The following ARL4C variants were observed in gnomAD, a reference collection of about 807,000 sequenced individuals.
ARL4C encodes ADP-ribosylation factor-like protein 4C.
ARL4C carries 5 observed loss-of-function variants against 12.8 expected under a neutral mutation model. The observed-to-expected ratio is 0.39, with a 90% CI of 0.20 to 0.82. The LOEUF is 0.82. Among genes scored for constraint, ARL4C ranks in the 40% least tolerant of loss-of-function variants. ARL4C has a pLI of 0.39. For synonymous variants in ARL4C, 119 were observed against 119.4 expected (o/e 1.00, Z 0.02); for missense variants, 148 against 265.2 (o/e 0.56, Z 3.07).
Position 234,496,600 on chromosome 2 carries a change from G to T in ARL4C, c.-14C>A. The T allele has an allele frequency of 6.8e-7, 1 of 1,474,454 alleles. No homozygotes were observed. Among genetic ancestry groups the T allele is most frequent in the South Asian group, 1.4e-5 (1 of 71,064 alleles). The allele number at this position is 1,474,454 out of a possible 1,614,324, so 91.3% of individuals were successfully genotyped here. On this transcript the variant is annotated 5_prime_UTR_variant, in exon 1 of 2. Transcript: ENST00000339728. ...GATGTTGCCCATGGCTCCTGGCTGC[G>T]GCGCCAGCCACTGCGGCTGCGGCGG...
Position 234,496,566 on chromosome 2 carries a change from G to A in ARL4C, c.21C>T (p.Asn7=), listed in dbSNP as rs1436958532. Residue 7 remains asparagine, a synonymous_variant, in exon 1 of 2, where the codon AAC becomes AAT. Coordinates refer to ENST00000339728, the MANE Select transcript of ARL4C (RefSeq NM_001282431.2). ...TATGCAGGGACTGGAAGGCCGAGAT[G>A]TTAGAGGAGATGTTGCCCATGGCTC... MGNISS[N]ISAFQSLHIV... 1.9e-6 allele frequency: 3 copies of A among 1,583,282 alleles called. No homozygotes were observed. The highest frequency in any genetic ancestry group is 2.7e-5 in the African/African-American group (2 of 73,560).
Position 234,495,667 on chromosome 2 carries a change from C to T in ARL4C, c.*139G>A. 1.8e-6 allele frequency: 2 copies of T among 1,098,648 alleles called. No homozygotes were observed. Among genetic ancestry groups the T allele is most frequent in the Non-Finnish European group, 2.7e-6 (2 of 738,406 alleles). The allele number at this position is 1,098,648 out of a possible 1,614,324, so 68.1% of individuals were successfully genotyped here. Reference sequence around the variant, plus strand: ...TCTTTCCGACAACTGAGCCTTCCACCTGGGGCTGGGAGGGCGGACAGCAGG... The same window carrying T: ...TCTTTCCGACAACTGAGCCTTCCACTTGGGGCTGGGAGGGCGGACAGCAGG... On this transcript the variant is annotated 3_prime_UTR_variant, in exon 2 of 2. Coordinates refer to ENST00000339728, the MANE Select transcript of ARL4C (RefSeq NM_001282431.2).
At position 234,496,611 on chromosome 2, in the gene ARL4C, C is replaced by A; in HGVS notation, c.-25G>T. On this transcript the variant is annotated 5_prime_UTR_variant, in exon 1 of 2. Transcript: ENST00000339728. ...TGGCTCCTGGCTGCGGCGCCAGCCA[C>A]TGCGGCTGCGGCGGGAGGGCGCCGC... The A allele has an allele frequency of 6.9e-7, 1 of 1,446,652 alleles. No homozygotes were observed. The highest frequency in any genetic ancestry group is 9.1e-7 in the Non-Finnish European group (1 of 1,098,266). The allele number at this position is 1,446,652 out of a possible 1,614,324, so 89.6% of individuals were successfully genotyped here.
rs1419271987 is a variant in ARL4C, at chr2:234,494,648, T to G, written c.*1158A>C. ...CATCAAATACTCTAACGAGACATTT[T>G]TAATGAAAGACTTAAACCAGATAGG... On this transcript the variant is annotated 3_prime_UTR_variant, in exon 2 of 2. Coordinates refer to ENST00000339728, the MANE Select transcript of ARL4C (RefSeq NM_001282431.2). 6.6e-6 allele frequency: 1 copy of G among 152,238 alleles called. No individual in the cohort carries two copies. Among genetic ancestry groups the G allele is most frequent in the Non-Finnish European group, 1.5e-5 (1 of 68,034 alleles). 9.4% of individuals were successfully genotyped at this position (152,238 alleles called of 1,614,324 possible).
In ARL4C at chr2:234,496,902, C is replaced by CG. The variant is rs1171510894; in HGVS notation, c.-317dup. ...CTGTGGTTTCCTCGGGCCGCGCCCC[C>CG]GCGCTCCGGCAGCTGCCCGGGCTCT... On this transcript the variant is annotated 5_prime_UTR_variant, in exon 1 of 2. Coordinates refer to ENST00000339728, the MANE Select transcript of ARL4C (RefSeq NM_001282431.2). The CG allele has an allele frequency of 6.7e-6, 1 of 149,450 alleles. No individual in the cohort carries two copies. Among genetic ancestry groups the CG allele is most frequent in the African/African-American group, 2.4e-5 (1 of 41,202 alleles). 9.3% of individuals were successfully genotyped at this position (149,450 alleles called of 1,614,324 possible).
rs776803133 is a variant in ARL4C at position 234,493,632 on chromosome 2, T to C, written c.*2174A>G. 36 of 152,660 alleles carry C rather than the reference T, an allele frequency of 2.4e-4. No homozygotes were observed. Among genetic ancestry groups the C allele is most frequent in the Non-Finnish European group, 5.1e-4 (35 of 68,042 alleles). 9.5% of individuals were successfully genotyped at this position (152,660 alleles called of 1,614,324 possible). On this transcript the variant is annotated 3_prime_UTR_variant, in exon 2 of 2. Coordinates refer to ENST00000339728, the MANE Select transcript of ARL4C (RefSeq NM_001282431.2). The stretch of plus-strand genomic sequence containing the variant: ...GTGATCTTGAACCTAAGTATTGTTA[T>C]CATGAGAAGGTTACAGTATTTGGCA...
In ARL4C at chr2:234,495,754, A is replaced by T. The variant is rs148591697; in HGVS notation, c.*52T>A. 26 of 1,596,582 alleles carry T rather than the reference A, an allele frequency of 1.6e-5. No homozygotes were observed. The highest frequency in any genetic ancestry group is 1.7e-4 in the Middle Eastern group (1 of 6,038). Reference sequence around the variant, plus strand: ...TGGTCAGTAGCTCTGGCGTTCAGACAAAAGGTCCCCTGAGCTGGGGGTGGG... The same window carrying T: ...TGGTCAGTAGCTCTGGCGTTCAGACTAAAGGTCCCCTGAGCTGGGGGTGGG... On this transcript the variant is annotated 3_prime_UTR_variant, in exon 2 of 2. Coordinates refer to ENST00000339728, the MANE Select transcript of ARL4C (RefSeq NM_001282431.2).
rs1691783547 is a variant in ARL4C at position 234,496,357 on chromosome 2, G to A, written c.230C>T (p.Pro77Leu). ...WDVGGQEKLR[P>L]LWKSYSRCTD... ...GCAGCGGCTGTAGGACTTCCACAGC[G>A]GCCGCAGCTTCTCCTGGCCGCCCAC... is the stretch of plus-strand genomic sequence containing the variant. The change falls in exon 1 of 2, where the codon CCG (proline) becomes CTG (leucine). Residue 77 changes from proline (P) to leucine (L), a missense_variant. Pro to Leu is a moderately conservative substitution (Grantham distance 98). Coordinates refer to ENST00000339728, the MANE Select transcript of ARL4C (RefSeq NM_001282431.2). 1.2e-6 allele frequency: 2 copies of A among 1,613,148 alleles called. No homozygotes were observed. The highest frequency in any genetic ancestry group is 8.5e-7 in the Non-Finnish European group (1 of 1,179,810).
In ARL4C at chr2:234,495,831, C is replaced by T. The variant is rs1406982310; in HGVS notation, c.581G>A (p.Gly194Asp). ...TCAGACTTCGCAGCTCCTTAAGTCA[C>T]CAGTCCTGCATTTGGGTGCAGAGAT... ...KSLKQKKKRT[G>D]DLRSCEV Residue 194 changes from glycine (G) to aspartate (D), a missense_variant, in exon 2 of 2, where the codon GGT (glycine) becomes GAT (aspartate). Physicochemically the swap from Gly to Asp is moderately conservative, Grantham distance 94. Coordinates refer to ENST00000339728, the MANE Select transcript of ARL4C (RefSeq NM_001282431.2). 6.3e-7 allele frequency: 1 copy of T among 1,598,656 alleles called. No individual in the cohort carries two copies. Among genetic ancestry groups the T allele is most frequent in the Admixed American group, 1.7e-5 (1 of 60,026 alleles).
At position 234,495,151 on chromosome 2, in the gene ARL4C, T is replaced by A. The variant is rs907976258; in HGVS notation, c.*655A>T. 1.2e-4 allele frequency: 18 copies of A among 148,122 alleles called. 1 individual carries two copies. The East Asian group carries it at 1.8e-3, about 15-fold the overall frequency. 9.2% of individuals were successfully genotyped at this position (148,122 alleles called of 1,614,324 possible). On this transcript the variant is annotated 3_prime_UTR_variant, in exon 2 of 2. Coordinates refer to ENST00000339728, the MANE Select transcript of ARL4C (RefSeq NM_001282431.2). Reference sequence around the variant, plus strand: ...TCCAATAGTTCGTCTTTTTTTTTTTTTATTTTTTTTATTTTTATTGGTCTC... The same window carrying A: ...TCCAATAGTTCGTCTTTTTTTTTTTATATTTTTTTTATTTTTATTGGTCTC...
rs1376257536 is a variant in ARL4C, at chr2:234,497,056, C to A, written c.-470G>T. On this transcript the variant is annotated 5_prime_UTR_variant, in exon 1 of 2. Transcript: ENST00000339728. ...GTCCGCTCGGCAGCCTCACAGTCCC[C>A]GCGCCGCCGCAGCAGCCGCCAGCCT... The A allele has an allele frequency of 6.7e-6, 1 of 149,976 alleles. No individual in the cohort carries two copies. Among genetic ancestry groups the A allele is most frequent in the Non-Finnish European group, 1.5e-5 (1 of 67,234 alleles). The allele number at this position is 149,976 out of a possible 1,614,324, so 9.3% of individuals were successfully genotyped here.
rs115792278 is a variant in ARL4C, at chr2:234,493,598, G to T, written c.*2208C>A. ...CGCATCAGTTTTAAAGCATGACAGG[G>T]TTTGAACAGTGATCTTGAACCTAAG... is the stretch of plus-strand genomic sequence containing the variant. On this transcript the variant is annotated 3_prime_UTR_variant, in exon 2 of 2. Transcript: ENST00000339728. 4.1e-3 allele frequency: 623 copies of T among 152,734 alleles called. 3 individuals are homozygous for T. Among genetic ancestry groups the T allele is most frequent in the Middle Eastern group, 6.8e-3 (2 of 294 alleles). The allele number at this position is 152,734 out of a possible 1,614,324, so 9.5% of individuals were successfully genotyped here.
rs752263509 is a variant in ARL4C at position 234,496,215 on chromosome 2, G to C, written c.372C>G (p.Val124=). 1 of 1,594,406 alleles carries C rather than the reference G, an allele frequency of 6.3e-7. No homozygotes were observed. The highest frequency in any genetic ancestry group is 2.2e-5 in the East Asian group (1 of 44,664). The change falls in exon 1 of 2, where the codon GTC becomes GTG. Residue 124 remains valine, a synonymous_variant. Coordinates refer to ENST00000339728, the MANE Select transcript of ARL4C (RefSeq NM_001282431.2). ...TGGGCAGGTCCTGCTTGTTGGCGAT[G>C]ACCAGCAGCGGCGTGCCCTGGTTCT... is the stretch of plus-strand genomic sequence containing the variant. ...FAENQGTPLL[V]IANKQDLPKS...
intron 1 of ARL4C, 85 bp from the exon 2 acceptor site, chr2:234,495,921 C>A: frequency 6.2e-7 from 1 of 1,604,542 alleles, no homozygotes; most frequent in South Asian, 1.1e-5. Flanking sequence ...GGTTCTCGCT[C>A]ATCCATCCAT....
Position 234,495,080 on chromosome 2 carries a change from A to C in ARL4C, c.*726T>G, listed in dbSNP as rs1574656610. 6.6e-6 allele frequency: 1 copy of C among 152,308 alleles called. No individual in the cohort carries two copies. The highest frequency in any genetic ancestry group is 1.5e-5 in the Non-Finnish European group (1 of 68,228). The allele number at this position is 152,308 out of a possible 1,614,324, so 9.4% of individuals were successfully genotyped here. The stretch of plus-strand genomic sequence containing the variant: ...ACACCAAAAGCCTTACCCTTTAAAC[A>C]CCTTTAACTATCCTGCAAACAGTAA... On this transcript the variant is annotated 3_prime_UTR_variant, in exon 2 of 2. Transcript: ENST00000339728.
rs751366933 is a variant in ARL4C at position 234,495,848 on chromosome 2, T to G, written c.576-12A>C. ...TTAAGTCACCAGTCCTGCATTTGGGTGCAGAGATTCCGTTTTAAAAATTCG... is the reference window on the plus strand; with the variant it reads ...TTAAGTCACCAGTCCTGCATTTGGGGGCAGAGATTCCGTTTTAAAAATTCG... On this transcript the variant is annotated splice_polypyrimidine_tract_variant and intron_variant, in intron 1 of 1. Transcript: ENST00000339728. 1.3e-6 allele frequency: 2 copies of G among 1,598,996 alleles called. No individual in the cohort carries two copies. The highest frequency in any genetic ancestry group is 1.7e-6 in the Non-Finnish European group (2 of 1,179,818).
Position 234,494,110 on chromosome 2 carries a change from A to C in ARL4C, c.*1696T>G, listed in dbSNP as rs1161190812. The C allele has an allele frequency of 1.3e-5, 2 of 149,884 alleles. No homozygotes were observed. The highest frequency in any genetic ancestry group is 5.0e-5 in the African/African-American group (2 of 40,050). The allele number at this position is 149,884 out of a possible 1,614,324, so 9.3% of individuals were successfully genotyped here. ...GGGACTCATAATTTGACTAACTCAC[A>C]TGCTCAAGCATGATCGTGTCCAATT... is the stretch of plus-strand genomic sequence containing the variant. On this transcript the variant is annotated 3_prime_UTR_variant, in exon 2 of 2. Coordinates refer to ENST00000339728, the MANE Select transcript of ARL4C (RefSeq NM_001282431.2).
chr2:234,496,724 C>T lies in ARL4C; in HGVS notation c.-138G>A. The T allele has an allele frequency of 3.6e-6, 1 of 277,420 alleles. No individual in the cohort carries two copies. Among genetic ancestry groups the T allele is most frequent in the Non-Finnish European group, 5.4e-6 (1 of 185,216 alleles). The allele number at this position is 277,420 out of a possible 1,614,324, so 17.2% of individuals were successfully genotyped here. On this transcript the variant is annotated 5_prime_UTR_variant, in exon 1 of 2. Transcript: ENST00000339728. ...CACCGGCCCCGGGGCTCGGCGTCCC[C>T]GCGGGCGCACGGCTTGGCGCGCTCA...
At position 234,494,989 on chromosome 2, in the gene ARL4C, TTACACAG is replaced by T. The variant is rs11277725; in HGVS notation, c.*810_*816del. ...ATATGAGTCTAGGTATTAATGCCGA[TTACACAG>T]TACACAGTACAGAGGGAGGTCCCTA... On this transcript the variant is annotated 3_prime_UTR_variant, in exon 2 of 2. Coordinates refer to ENST00000339728, the MANE Select transcript of ARL4C (RefSeq NM_001282431.2). 68,476 of 151,290 alleles carry T rather than the reference TTACACAG, an allele frequency of 0.45. 16,929 individuals are homozygous for T. Among genetic ancestry groups the T allele is most frequent in the African/African-American group, 0.66 (26,884 of 40,936 alleles). The allele number at this position is 151,290 out of a possible 1,614,324, so 9.4% of individuals were successfully genotyped here.
Sources: allele counts gnomAD v4.1 joint callset, GRCh38; gene constraint gnomAD v4.1.1; transcripts MANE v1.5; gene names NCBI Gene and HGNC (gene_info 2026-07-23, HGNC 2026-07-21).